Variants in GRK3 observed in about 807,000 individuals in gnomAD.
GRK3 encodes the protein adrenergic, beta, receptor kinase 2.
In GRK3, 54 loss-of-function variants were observed where a neutral mutation model predicts 95.7. The observed-to-expected ratio is 0.56, with a 90% CI of 0.45 to 0.71. GRK3 has a LOEUF of 0.71. Among genes scored for constraint, GRK3 ranks in the 30% least tolerant of loss-of-function variants. GRK3 has a pLI of 0.00. For missense variants in GRK3, 649 were observed against 851.2 expected (o/e 0.76, Z 2.96); for synonymous variants, 281 against 290.8 (o/e 0.97, Z 0.34).
chr22:25,594,417 C>G (rs1436424985), intron 1 of GRK3, among the ~76,000 whole-genome samples: 1 of 152,098 alleles, frequency 6.6e-6, no homozygotes, highest in Non-Finnish European at 1.5e-5. Context: ...AACTACAGGC[C>G]AACATCCCTG....
At chr22:25,595,297 C>T (rs1189602170) in intron 1 of GRK3, among the ~76,000 whole-genome samples, 1 of 152,022 alleles carries the variant, frequency 6.6e-6, no homozygotes, top group Non-Finnish European at 1.5e-5. Context: ...TGATAAACGA[C>T]TTCAGGAAGT....
rs191041018 is a variant in GRK3 at position 25,631,829 on chromosome 22, A to G, written c.191-12763A>G. 2.3e-3 allele frequency among the ~76,000 whole-genome samples: 343 copies of G among 152,298 alleles called. 5 individuals carry two copies. In the Middle Eastern group the frequency reaches 0.027, roughly 12 times the overall value. On this transcript the variant is annotated intron_variant, in intron 2 of 20. Transcript: ENST00000324198. ...CTTTTCCAGAATGTCTTATAAGTGG[A>G]ATCACTTAGCATGTAACCTTTTGTT...
chr22:25,584,713 A>C (rs138576907), intron 1 of GRK3, among the ~76,000 whole-genome samples: 1 of 152,296 alleles, frequency 6.6e-6, no homozygotes, highest in African/African-American at 2.4e-5. Context: ...ATGTGTATGT[A>C]TAGGAAAAAA....
chr22:25,630,451 G>GA (rs1478319900), intron 2 of GRK3, among the ~76,000 whole-genome samples: 5 of 152,142 alleles, frequency 3.3e-5, no homozygotes, highest in African/African-American at 1.2e-4. Flanking sequence ...TGTGATAAAT[G>GA]AAAAAATTGA....
chr22:25,657,502 A>G (rs755019918), intron 3 of GRK3, among the ~76,000 whole-genome samples: 5 of 152,166 alleles, frequency 3.3e-5, no homozygotes, highest in Non-Finnish European at 5.9e-5. Flanking sequence ...TCTTATGCTT[A>G]CTATTTTCAT....
At chr22:25,688,728 A>C (rs2085141756) in intron 11 of GRK3, among the ~76,000 whole-genome samples, 1 of 152,190 alleles carries the variant, frequency 6.6e-6, no homozygotes, top group Non-Finnish European at 1.5e-5. Context: ...TGTGGGAAGG[A>C]GGTAGAAGCT....
At chr22:25,665,559 T>C (rs991648801) in intron 5 of GRK3, among the ~76,000 whole-genome samples, 3 of 151,842 alleles carry the variant, frequency 2.0e-5, no homozygotes, top group Non-Finnish European at 4.4e-5. Context: ...TATTGATTTG[T>C]TTTGTTCATT....
intron 1 of GRK3, among the ~76,000 whole-genome samples, chr22:25,589,930 C>T (rs1003805037): frequency 3.9e-5 from 6 of 152,076 alleles, no homozygotes; most frequent in Non-Finnish European, 7.4e-5. Context: ...CATCAGATCT[C>T]GTGAGACTAA....
chr22:25,717,488 A>AGG (rs1393578815), intron 18 of GRK3, among the ~76,000 whole-genome samples: 36 of 152,186 alleles, frequency 2.4e-4, no homozygotes. Context: ...TCTCTGAAGC[A>AGG]GGGGTTTTTG....
At chr22:25,627,244 C>G (rs1463153169) in intron 2 of GRK3, among the ~76,000 whole-genome samples, 1 of 152,152 alleles carries the variant, frequency 6.6e-6, no homozygotes, top group African/African-American at 2.4e-5. Context: ...AAAAACTATT[C>G]CCCAGCAGGC....
chr22:25,574,930 T>C (rs1047471177), intron 1 of GRK3, among the ~76,000 whole-genome samples: 1 of 152,242 alleles, frequency 6.6e-6, no homozygotes, highest in African/African-American at 2.4e-5. Flanking sequence ...GGAGAAAAGC[T>C]TGTTTTTTAT....
chr22:25,704,236 A>G lies in GRK3; in HGVS notation c.1328+27A>G, dbSNP rs149128212. 2.5e-5 allele frequency: 39 copies of G among 1,559,324 alleles called. No homozygotes were observed. In the African/African-American group the frequency reaches 3.1e-4, roughly 12 times the overall value. ...TAGGCCATTGTTCCTGCCTTTCGGT[A>G]TCTTTACCAGAAGAGCAAAATAGTG... On this transcript the variant is annotated intron_variant, in intron 15 of 20. Transcript: ENST00000324198.
At chr22:25,660,496 C>G (rs79772346) in intron 3 of GRK3, among the ~76,000 whole-genome samples, 1,910 of 152,280 alleles carry the variant, frequency 0.013, 28 homozygotes, top group Middle Eastern at 0.065. Context: ...GGGAATTTCT[C>G]AGCGTGTGAA....
intron 2 of GRK3, among the ~76,000 whole-genome samples, chr22:25,617,162 C>T (rs1439320652): frequency 1.3e-5 from 2 of 152,336 alleles, no homozygotes; most frequent in Admixed American, 6.5e-5. Context: ...TGCACTTACT[C>T]TCCAAAGAAA....
chr22:25,622,364 A>G (rs957194384), intron 2 of GRK3, among the ~76,000 whole-genome samples: 1 of 152,200 alleles, frequency 6.6e-6, no homozygotes, highest in African/African-American at 2.4e-5. Flanking sequence ...TTTGCTGTGC[A>G]GTGGGATCGT....
At chr22:25,667,886 T>C in intron 6 of GRK3, 86 bp downstream of exon 6, 2 of 770,794 alleles carry the variant, frequency 2.6e-6, no homozygotes, top group South Asian at 3.2e-5. Flanking sequence ...CCTTAAAATG[T>C]GTGTTAATCA....
intron 1 of GRK3, among the ~76,000 whole-genome samples, chr22:25,602,687 AAAG>A (rs2084417318): frequency 6.6e-6 from 1 of 152,268 alleles, no homozygotes; most frequent in Non-Finnish European, 1.5e-5. Flanking sequence ...ATGTCAAACA[AAAG>A]AAGCCAGACA....
At chr22:25,647,457 C>A in intron 3 of GRK3, 1 of 1,319,116 alleles carries the variant, frequency 7.6e-7, no homozygotes, top group South Asian at 1.2e-5. Flanking sequence ...GGAGGATCCT[C>A]AGGGGTAACA....
intron 1 of GRK3, among the ~76,000 whole-genome samples, chr22:25,579,609 A>T (rs1163486756): frequency 6.6e-6 from 1 of 151,938 alleles, no homozygotes; most frequent in Non-Finnish European, 1.5e-5. Context: ...AGTAGCTGGG[A>T]CTACAGGCAC....
Sources: gnomAD v4.1 joint callset for allele counts (sites outside exome capture counted in the v4.1 genomes callset) on GRCh38, gnomAD v4.1.1 for gene constraint, MANE v1.5 for transcripts, NCBI Gene and HGNC (gene_info 2026-07-23, HGNC 2026-07-21) for gene names.